Variants in KCNIP4 observed in about 807,000 individuals in gnomAD.
The protein encoded by KCNIP4 is Kv channel-interacting protein 4.
KCNIP4 carries 12 observed loss-of-function variants against 34.0 expected under a neutral mutation model. The observed-to-expected ratio is 0.35, with a 90% CI of 0.23 to 0.57. The LOEUF is 0.57. Among genes scored for constraint, KCNIP4 ranks in the 20% least tolerant of loss-of-function variants. The pLI is 0.83. For missense variants in KCNIP4, 238 were observed against 311.7 expected, an observed-to-expected ratio of 0.76 and a Z score of 1.78; for synonymous variants, 124 against 102.2, an observed-to-expected ratio of 1.21 and a Z score of -1.29.
intron 1 of KCNIP4, among the ~76,000 whole-genome samples, chr4:21,524,836 T>C (rs900695392): frequency 6.6e-6 from 1 of 152,168 alleles, no homozygotes; most frequent in African/African-American, 2.4e-5. Flanking sequence ...GCCTTGCACA[T>C]AACAGGAAGT....
At chr4:20,916,986 TATATATATATATATATA>T (rs1728885379) in intron 1 of KCNIP4, among the ~76,000 whole-genome samples, 7 of 78,900 alleles carry the variant, frequency 8.9e-5, no homozygotes, top group South Asian at 6.0e-4. Context: ...ATCTTATGTT[TATATATATATATATATA>T]TATATATATA....
chr4:21,478,324 G>C (rs358590), intron 1 of KCNIP4, among the ~76,000 whole-genome samples: 2,130 of 151,990 alleles, frequency 0.014, 50 homozygotes, highest in African/African-American at 0.049. Flanking sequence ...CTTTAACCTA[G>C]GACTTGGGCC....
intron 1 of KCNIP4, among the ~76,000 whole-genome samples, chr4:21,787,904 T>A (rs1720014808): frequency 1.3e-5 from 2 of 151,990 alleles, no homozygotes; most frequent in South Asian, 4.1e-4. Flanking sequence ...GGGGGAAGCA[T>A]ATACCAATCA....
At chr4:21,409,597 T>C (rs1724309369) in intron 1 of KCNIP4, among the ~76,000 whole-genome samples, 1 of 152,232 alleles carries the variant, frequency 6.6e-6, no homozygotes, top group Non-Finnish European at 1.5e-5. Context: ...GAAGACATGT[T>C]GAAATAATAT....
At chr4:20,871,800 T>C (rs1181786973) in intron 2 of KCNIP4, among the ~76,000 whole-genome samples, 2 of 152,116 alleles carry the variant, frequency 1.3e-5, no homozygotes, top group African/African-American at 2.4e-5. Flanking sequence ...CATGTAAACA[T>C]GGCATCCAAA....
intron 1 of KCNIP4, among the ~76,000 whole-genome samples, chr4:21,645,589 G>C (rs1213932319): frequency 1.3e-5 from 2 of 152,038 alleles, no homozygotes; most frequent in South Asian, 2.1e-4. Context: ...TCACAGATTG[G>C]GATCAATACC....
intron 1 of KCNIP4, among the ~76,000 whole-genome samples, chr4:21,224,542 A>G (rs1162786685): frequency 7.4e-6 from 1 of 135,886 alleles, no homozygotes; most frequent in Non-Finnish European, 1.5e-5. Flanking sequence ...CACTCTACAG[A>G]TATTCCCCCA....
intron 1 of KCNIP4, among the ~76,000 whole-genome samples, chr4:21,646,514 T>G (rs1747035520): frequency 6.6e-6 from 1 of 152,220 alleles, no homozygotes; most frequent in African/African-American, 2.4e-5. Flanking sequence ...AGAATAGCGC[T>G]AAACCAAAAA....
chr4:21,634,211 G>A (rs1406949161), intron 1 of KCNIP4, among the ~76,000 whole-genome samples: 4 of 129,888 alleles, frequency 3.1e-5, no homozygotes, highest in South Asian at 2.8e-4. Context: ...GGAAAGCTAC[G>A]GGTTCTTTCC....
intron 1 of KCNIP4, among the ~76,000 whole-genome samples, chr4:21,938,147 T>C (rs532873104): frequency 1.7e-4 from 26 of 152,246 alleles, no homozygotes; most frequent in African/African-American, 5.8e-4. Context: ...TCACCTGCCA[T>C]CTGTCCCTGA....
rs529307967 is a variant in KCNIP4, at chr4:21,137,005, C to T, written c.62-254296G>A. On this transcript the variant is annotated intron_variant, in intron 1 of 8. Transcript: ENST00000382152. ...TGCACACTGTGGGCCCTTCTCATAA[C>T]CAAACTCTGGGTTCCATTCCTTTGA... is the stretch of plus-strand genomic sequence containing the variant. Among the ~76,000 whole-genome samples the T allele has an allele frequency of 3.3e-5, 5 of 152,254 alleles. No individual in the cohort carries two copies. In the East Asian group the frequency reaches 5.8e-4, roughly 18 times the overall value.
chr4:21,065,765 T>A lies in KCNIP4; in HGVS notation c.62-183056A>T, dbSNP rs1368647. Among the ~76,000 whole-genome samples the A allele has an allele frequency of 4.5e-3, 517 of 114,780 alleles. 3 individuals carry two copies. The highest frequency in any genetic ancestry group is 7.9e-3 in the African/African-American group (251 of 31,794). The allele number at this position is 114,780 out of a possible 152,430, so 75.3% of individuals were successfully genotyped here. On this transcript the variant is annotated intron_variant, in intron 1 of 8. Coordinates refer to ENST00000382152, the MANE Select transcript of KCNIP4 (RefSeq NM_025221.6). ...ATATATATATATATATATATATATA[T>A]AACTCAATTTTATTTTAAAAAATAG...
At chr4:20,742,142 C>G (rs1464007456) in intron 5 of KCNIP4, among the ~76,000 whole-genome samples, 1 of 152,118 alleles carries the variant, frequency 6.6e-6, no homozygotes, top group Non-Finnish European at 1.5e-5. Context: ...ACCAGAGGTA[C>G]AAAGAGGAGC....
intron 1 of KCNIP4, among the ~76,000 whole-genome samples, chr4:21,401,218 AT>A (rs906922257): frequency 1.3e-5 from 2 of 152,152 alleles, no homozygotes; most frequent in African/African-American, 4.8e-5. Context: ...TTATGTCCTG[AT>A]TTTGTTCTCT....
intron 1 of KCNIP4, among the ~76,000 whole-genome samples, chr4:21,189,141 T>A (rs146314036): frequency 1.3e-5 from 2 of 152,350 alleles, no homozygotes; most frequent in African/African-American, 4.8e-5. Flanking sequence ...GAATTATACC[T>A]GATGCATTCC....
rs1725788216 is a variant in KCNIP4, at chr4:21,424,633, G to A, written c.61+523938C>T. Among the ~76,000 whole-genome samples the A allele has an allele frequency of 1.3e-5, 2 of 151,624 alleles. 1 individual carries two copies. The highest frequency in any genetic ancestry group is 4.2e-4 in the South Asian group (2 of 4,816). ...AGAAAGAAAGAAAGAAAGAGAGAAAGCAAGCTTACTTTTTTTAGGTTCATC... is the reference window on the plus strand; with the variant it reads ...AGAAAGAAAGAAAGAAAGAGAGAAAACAAGCTTACTTTTTTTAGGTTCATC... On this transcript the variant is annotated intron_variant, in intron 1 of 8. Coordinates refer to ENST00000382152, the MANE Select transcript of KCNIP4 (RefSeq NM_025221.6).
chr4:21,599,755 T>TG (rs1203701425), intron 1 of KCNIP4, among the ~76,000 whole-genome samples: 1 of 152,100 alleles, frequency 6.6e-6, no homozygotes, highest in Non-Finnish European at 1.5e-5. Flanking sequence ...TGCTGTATTC[T>TG]GTGTTAACTT....
At chr4:21,601,759 C>G (rs1022795745) in intron 1 of KCNIP4, among the ~76,000 whole-genome samples, 1 of 152,098 alleles carries the variant, frequency 6.6e-6, no homozygotes, top group Admixed American at 6.6e-5. Flanking sequence ...CTCACATGAG[C>G]CAAGCTCATT....
intron 3 of KCNIP4, among the ~76,000 whole-genome samples, chr4:20,813,563 A>C (rs971866487): frequency 6.6e-6 from 1 of 152,176 alleles, no homozygotes; most frequent in Non-Finnish European, 1.5e-5. Flanking sequence ...TGTATAATTT[A>C]TTTTACATGG....
Sources: allele counts gnomAD v4.1 joint callset (sites outside exome capture counted in the v4.1 genomes callset), GRCh38; gene constraint gnomAD v4.1.1; transcripts MANE v1.5; gene names NCBI Gene and HGNC (gene_info 2026-07-23, HGNC 2026-07-21).